The following RHOU variants were observed in gnomAD, a reference collection of about 807,000 sequenced individuals.
The protein encoded by RHOU is rho-related GTP-binding protein RhoU.
In RHOU, 8 loss-of-function variants were observed where a neutral mutation model predicts 12.6. The ratio of observed to expected loss-of-function variants is 0.64; its 90% CI spans 0.37 to 1.15. The LOEUF is 1.15. Among genes scored for constraint, RHOU ranks in the 50% most tolerant of loss-of-function variants. RHOU has a pLI of 0.01. For missense variants in RHOU, 258 were observed against 347.0 expected, an observed-to-expected ratio of 0.74 and a Z score of 2.04; for synonymous variants, 161 against 147.4, an observed-to-expected ratio of 1.09 and a Z score of -0.67.
At position 228,737,681 on chromosome 1, in the gene RHOU, T is replaced by G; in HGVS notation, c.271T>G (p.Ser91Ala). 1 of 1,614,144 alleles carries G rather than the reference T, an allele frequency of 6.2e-7. No individual in the cohort carries two copies. The highest frequency in any genetic ancestry group is 8.5e-7 in the Non-Finnish European group (1 of 1,180,018). ...TAFDNFSAVVSVDGRPVRLQL... is the reference protein window; with the variant it reads ...TAFDNFSAVVAVDGRPVRLQL... ...TTGGTTTTGTTTTTAAGCGGTGGTG[T>G]CTGTGGATGGGCGGCCCGTGAGACT... Residue 91 changes from serine (S) to alanine (A), a missense_variant, in exon 2 of 3, where the codon TCT becomes GCT. Coordinates refer to ENST00000366691, the MANE Select transcript of RHOU (RefSeq NM_021205.6). The surrounding 1 kb of genome is among the most constrained non-coding windows in gnomAD (Gnocchi z 4.1).
the RHOU span, among the ~76,000 whole-genome samples, chr1:228,696,280 C>T: frequency 6.7e-6 from 1 of 149,080 alleles, no homozygotes; most frequent in Non-Finnish European, 1.5e-5. Context: ...TACTCTGAGG[C>T]TGCTTTACAT....
rs1662792156 is a variant in RHOU, at chr1:228,744,678, G to A, written c.*938G>A. Reference sequence around the variant, plus strand: ...AATACTCTTGAAAGGCCAACAGCAAGTGTTTGTGGGACACAACACAGATAA... The same window carrying A: ...AATACTCTTGAAAGGCCAACAGCAAATGTTTGTGGGACACAACACAGATAA... On this transcript the variant is annotated 3_prime_UTR_variant, in exon 3 of 3. Transcript: ENST00000366691. 6.6e-6 allele frequency: 1 copy of A among 152,240 alleles called. No homozygotes were observed. Among genetic ancestry groups the A allele is most frequent in the Admixed American group, 6.5e-5 (1 of 15,284 alleles). The allele number at this position is 152,240 out of a possible 1,614,324, so 9.4% of individuals were successfully genotyped here.
chr1:228,735,779 C>G lies in RHOU; in HGVS notation c.37C>G (p.Arg13Gly). ...GCAGGGGGACCCCGCGTTCCCCGAC[C>G]GCTGCGAGGCGCCTCCGGTGCCGCC... is the stretch of plus-strand genomic sequence containing the variant. ...PQQGDPAFPD[R>G]CEAPPVPPRR... The change falls in exon 1 of 3, where the codon CGC (arginine) becomes GGC (glycine). Residue 13 changes from arginine (R) to glycine (G), a missense_variant. By Grantham distance (125) the Arg-to-Gly change is moderately radical. Transcript: ENST00000366691. The surrounding 1 kb of genome is among the most constrained non-coding windows in gnomAD (Gnocchi z 8.1). 2 of 1,213,206 alleles carry G rather than the reference C, an allele frequency of 1.6e-6. No individual in the cohort carries two copies. The highest frequency in any genetic ancestry group is 3.4e-5 in the East Asian group (1 of 29,548). The allele number at this position is 1,213,206 out of a possible 1,614,324, so 75.2% of individuals were successfully genotyped here.
At chr1:228,727,337 T>C in the RHOU span, among the ~76,000 whole-genome samples, 1 of 152,286 alleles carries the variant, frequency 6.6e-6, no homozygotes, top group South Asian at 2.1e-4. Context: ...GGACAGTGTT[T>C]CACTCTGTTG....
chr1:228,704,528 G>A, the RHOU span, among the ~76,000 whole-genome samples: 2 of 151,874 alleles, frequency 1.3e-5, no homozygotes, highest in South Asian at 2.1e-4. Flanking sequence ...TGTGATCTTG[G>A]CTCACTGCAA....
the RHOU span, chr1:228,651,071 C>A: frequency 3.6e-5 from 9 of 249,600 alleles, no homozygotes; most frequent in Non-Finnish European, 7.6e-5. Context: ...AAAGACCAAG[C>A]ACTTCTGCCT....
chr1:228,709,328 C>T, the RHOU span, among the ~76,000 whole-genome samples: 1 of 144,770 alleles, frequency 6.9e-6, no homozygotes, highest in South Asian at 2.3e-4. Context: ...ATCTACAGAA[C>T]TCTCCACCCC....
At chr1:228,663,728 G>T in the RHOU span, among the ~76,000 whole-genome samples, 1 of 139,366 alleles carries the variant, frequency 7.2e-6, no homozygotes, top group Non-Finnish European at 1.5e-5. Context: ...CGCCTCCCGA[G>T]ATCAAGCGAT....
At chr1:228,704,415 T>C in the RHOU span, among the ~76,000 whole-genome samples, 1 of 152,138 alleles carries the variant, frequency 6.6e-6, no homozygotes. Context: ...AGCCAAAAAG[T>C]TGGTAAATTT....
the RHOU span, among the ~76,000 whole-genome samples, chr1:228,660,346 G>GA: frequency 3.5e-4 from 47 of 133,466 alleles, 1 homozygote; most frequent in African/African-American, 1.3e-3. Context: ...TCTCCTGACC[G>GA]AAAAAAATAA....
At chr1:228,742,092 G>A (rs1273125616) in intron 2 of RHOU, among the ~76,000 whole-genome samples, 1 of 152,166 alleles carries the variant, frequency 6.6e-6, no homozygotes, top group Non-Finnish European at 1.5e-5. Context: ...AACATGAATG[G>A]CGTTGAACTT....
chr1:228,721,933 G>A, the RHOU span, among the ~76,000 whole-genome samples: 317 of 152,332 alleles, frequency 2.1e-3, 1 homozygote, highest in African/African-American at 7.2e-3. Flanking sequence ...GATTACAGGC[G>A]TGAGCCACCA....
intron 2 of RHOU, among the ~76,000 whole-genome samples, chr1:228,740,734 G>A (rs552664853): frequency 3.9e-5 from 6 of 152,336 alleles, no homozygotes; most frequent in South Asian, 4.1e-4. Context: ...GAGAATCAAC[G>A]TGAGCACAGA....
At chr1:228,721,053 G>C in the RHOU span, among the ~76,000 whole-genome samples, 1 of 152,204 alleles carries the variant, frequency 6.6e-6, no homozygotes, top group East Asian at 1.9e-4. Context: ...TGTAATCCCA[G>C]CACTTTGGGA....
the RHOU span, among the ~76,000 whole-genome samples, chr1:228,647,295 T>C: frequency 1.3e-5 from 2 of 152,188 alleles, no homozygotes; most frequent in Non-Finnish European, 2.9e-5. Context: ...GGTACCTCAC[T>C]GTGCTCTTGG....
chr1:228,727,342 C>G, the RHOU span, among the ~76,000 whole-genome samples: 1 of 152,132 alleles, frequency 6.6e-6, no homozygotes, highest in African/African-American at 2.4e-5. Flanking sequence ...GTGTTTCACT[C>G]TGTTGCCCAG....
chr1:228,719,901 T>C, the RHOU span, among the ~76,000 whole-genome samples: 3 of 152,230 alleles, frequency 2.0e-5, no homozygotes. Flanking sequence ...TTGAGAATAC[T>C]ATCATTGCTC....
the RHOU span, among the ~76,000 whole-genome samples, chr1:228,684,564 A>G: frequency 1.3e-5 from 2 of 152,164 alleles, no homozygotes; most frequent in African/African-American, 4.8e-5. Flanking sequence ...CCTGGGCTCA[A>G]GTGATCCACG....
At chr1:228,653,034 A>G in the RHOU span, among the ~76,000 whole-genome samples, 2 of 152,358 alleles carry the variant, frequency 1.3e-5, no homozygotes, top group South Asian at 4.1e-4. Flanking sequence ...ATAGCAAGAT[A>G]CAATTGGAAA....
Sources: gnomAD v4.1 joint callset for allele counts (sites outside exome capture counted in the v4.1 genomes callset) on GRCh38, gnomAD v4.1.1 for gene constraint, Gnocchi (gnomAD v3.1) non-coding constraint, MANE v1.5 for transcripts, NCBI Gene and HGNC (gene_info 2026-07-23, HGNC 2026-07-21) for gene names.